SLC49A4: variants seen among roughly 807,000 people sequenced by gnomAD.
SLC49A4 encodes disrupted in renal cancer protein 2.
A neutral mutation model predicts 50.6 loss-of-function variants in SLC49A4; 36 were observed. The ratio of observed to expected loss-of-function variants is 0.71; its 90% CI spans 0.55 to 0.94. The LOEUF (loss-of-function observed/expected upper bound fraction) is 0.94, where lower values mean the gene tolerates loss of function less well. Among genes scored for constraint, SLC49A4 ranks in the 40% least tolerant of loss-of-function variants. The pLI, the probability that SLC49A4 is intolerant of heterozygous loss-of-function variation, is 0.00. For missense variants in SLC49A4, 503 were observed against 605.7 expected (o/e 0.83, Z 1.78); for synonymous variants, 248 against 241.2 (o/e 1.03, Z -0.26).
intron 5 of SLC49A4, among the ~76,000 whole-genome samples, chr3:122,847,980 A>G (rs1380726344): frequency 6.6e-6 from 1 of 152,234 alleles, no homozygotes; most frequent in Non-Finnish European, 1.5e-5. Context: ...AAATAAAAGT[A>G]AAAAATCACT....
rs1458703609 is a variant in SLC49A4 at position 122,840,329 on chromosome 3, G to A, written c.834-5434G>A. On this transcript the variant is annotated intron_variant, in intron 4 of 8. Transcript: ENST00000261038. ...GTGCACCAAAGTCTCAGACTTCACC[G>A]CTATCCAATTCATCCTTGTAACCAA... is the stretch of plus-strand genomic sequence containing the variant. 5.9e-5 allele frequency among the ~76,000 whole-genome samples: 9 copies of A among 152,222 alleles called. No individual in the cohort carries two copies. The South Asian group carries it at 1.0e-3, about 18-fold the overall frequency.
At chr3:122,864,566 C>G (rs1202073152) in intron 7 of SLC49A4, among the ~76,000 whole-genome samples, 1 of 152,150 alleles carries the variant, frequency 6.6e-6, no homozygotes, top group African/African-American at 2.4e-5. Flanking sequence ...TTCATCTAAA[C>G]TTACTAGAAT....
chr3:122,875,410 G>C (rs1000332061), intron 8 of SLC49A4, among the ~76,000 whole-genome samples: 1 of 152,128 alleles, frequency 6.6e-6, no homozygotes, highest in Non-Finnish European at 1.5e-5. Flanking sequence ...GAGTACAGTG[G>C]CACCATTATG....
intron 3 of SLC49A4, among the ~76,000 whole-genome samples, chr3:122,828,319 A>T (rs966736655): frequency 3.3e-5 from 5 of 152,212 alleles, no homozygotes; most frequent in African/African-American, 4.8e-5. Context: ...GAGAGCTCGG[A>T]GAAGGAGCAC....
At chr3:122,807,288 A>G (rs986330069) in intron 2 of SLC49A4, among the ~76,000 whole-genome samples, 1 of 152,062 alleles carries the variant, frequency 6.6e-6, no homozygotes, top group Admixed American at 6.6e-5. Context: ...AGACTAGGAG[A>G]AGTTTTGGCT....
intron 5 of SLC49A4, among the ~76,000 whole-genome samples, chr3:122,854,830 G>A (rs1216756791): frequency 3.3e-5 from 5 of 152,164 alleles, no homozygotes; most frequent in African/African-American, 4.8e-5. Flanking sequence ...GGTGGCTCAC[G>A]CCTGTAATCC....
Position 122,795,117 on chromosome 3 carries a change from A to G in SLC49A4, c.-76A>G. On this transcript the variant is annotated 5_prime_UTR_variant, in exon 1 of 9. Coordinates refer to ENST00000261038, the MANE Select transcript of SLC49A4 (RefSeq NM_032839.3). ...CAGCAGCCTCCGCCTCCTGCTGCTCAGGACTATTCTGCGCTGGGCTAGTCG... is the reference window on the plus strand; with the variant it reads ...CAGCAGCCTCCGCCTCCTGCTGCTCGGGACTATTCTGCGCTGGGCTAGTCG... The G allele has an allele frequency of 8.0e-7, 1 of 1,250,392 alleles. No individual in the cohort carries two copies. The highest frequency in any genetic ancestry group is 1.0e-6 in the Non-Finnish European group (1 of 1,001,180). 77.5% of individuals were successfully genotyped at this position (1,250,392 alleles called of 1,614,324 possible). A position where few individuals can be genotyped will look rare whatever the true frequency, so the allele number is the denominator to read the frequency against.
At chr3:122,859,963 T>C (rs1576309037) in intron 6 of SLC49A4, 112 bp from the exon 7 acceptor site, 1 of 1,000,484 alleles carries the variant, frequency 1.0e-6, no homozygotes, top group East Asian at 2.9e-5. Flanking sequence ...GAAAACTGTC[T>C]TTTAAAAGAA....
intron 7 of SLC49A4, among the ~76,000 whole-genome samples, chr3:122,868,122 A>C: frequency 6.6e-6 from 1 of 152,192 alleles, no homozygotes; most frequent in South Asian, 2.1e-4. Context: ...CTCCAAAAAA[A>C]AAAAAAAAGT....
intron 2 of SLC49A4, among the ~76,000 whole-genome samples, chr3:122,814,410 T>C (rs550330573): frequency 7.0e-4 from 106 of 152,302 alleles, no homozygotes; most frequent in African/African-American, 2.4e-3. Context: ...CTGGGAGAAA[T>C]ATGTGTTGCA....
chr3:122,834,893 C>G (rs1936657668), intron 4 of SLC49A4, among the ~76,000 whole-genome samples: 1 of 151,986 alleles, frequency 6.6e-6, no homozygotes, highest in Non-Finnish European at 1.5e-5. Flanking sequence ...CACAGAAATA[C>G]AAAAGATCAT....
chr3:122,805,487 C>T (rs1936204784), intron 1 of SLC49A4, among the ~76,000 whole-genome samples: 1 of 126,570 alleles, frequency 7.9e-6, no homozygotes, highest in Non-Finnish European at 1.8e-5. Context: ...AACCATGTAC[C>T]CTCTGCAAAA....
intron 2 of SLC49A4, among the ~76,000 whole-genome samples, chr3:122,812,925 C>A (rs2107559699): frequency 6.6e-6 from 1 of 152,078 alleles, no homozygotes; most frequent in Non-Finnish European, 1.5e-5. Context: ...GATAACCAGT[C>A]ATGATAAGCA....
chr3:122,833,486 C>T, intron 4 of SLC49A4, 40 bp downstream of exon 4: 4 of 1,538,560 alleles, frequency 2.6e-6, no homozygotes, highest in Non-Finnish European at 3.5e-6. Flanking sequence ...TTGACTGACA[C>T]CTTCAAGGTA....
At chr3:122,865,800 T>G (rs1937111160) in intron 7 of SLC49A4, among the ~76,000 whole-genome samples, 1 of 152,208 alleles carries the variant, frequency 6.6e-6, no homozygotes, top group South Asian at 2.1e-4. Flanking sequence ...GTATGCACAA[T>G]AATAAAAGTT....
Position 122,795,162 on chromosome 3 carries a change from C to G in SLC49A4, c.-31C>G. 2 of 1,312,418 alleles carry G rather than the reference C, an allele frequency of 1.5e-6. No homozygotes were observed. Among genetic ancestry groups the G allele is most frequent in the Non-Finnish European group, 9.6e-7 (1 of 1,039,944 alleles). 81.3% of individuals were successfully genotyped at this position (1,312,418 alleles called of 1,614,324 possible). A position where few individuals can be genotyped will look rare whatever the true frequency, so the allele number is the denominator to read the frequency against. On this transcript the variant is annotated 5_prime_UTR_variant, in exon 1 of 9. Transcript: ENST00000261038. ...TAGTCGGCGGTGACCCGGACTGCGC[C>G]CGGCAGTGGCTTCGCGGGCGACGCG... is the stretch of plus-strand genomic sequence containing the variant.
intron 5 of SLC49A4, among the ~76,000 whole-genome samples, chr3:122,847,638 C>T (rs976150618): frequency 6.6e-6 from 1 of 152,014 alleles, no homozygotes; most frequent in Middle Eastern, 3.4e-3. Context: ...AGCCACCATG[C>T]CTGGCCCAGT....
chr3:122,844,316 T>C (rs541638854), intron 4 of SLC49A4, among the ~76,000 whole-genome samples: 1 of 152,244 alleles, frequency 6.6e-6, no homozygotes, highest in African/African-American at 2.4e-5. Context: ...CAAGTTATTC[T>C]CCTACCTTGG....
At chr3:122,817,716 A>G (rs1196589382) in intron 2 of SLC49A4, among the ~76,000 whole-genome samples, 1 of 149,640 alleles carries the variant, frequency 6.7e-6, no homozygotes, top group Non-Finnish European at 1.5e-5. Flanking sequence ...AAGTACCTGG[A>G]ACTACAGGCA....
Sources: gnomAD v4.1 joint callset for allele counts (sites outside exome capture counted in the v4.1 genomes callset) on GRCh38, gnomAD v4.1.1 for gene constraint, MANE v1.5 for transcripts, NCBI Gene and HGNC (gene_info 2026-07-23, HGNC 2026-07-21) for gene names.